Variants in STIM1 observed in about 807,000 individuals in gnomAD.
STIM1 encodes stromal interaction molecule 1.
In STIM1, 25 loss-of-function variants were observed where a neutral mutation model predicts 74.7. The observed-to-expected ratio is 0.33, with a 90% CI of 0.24 to 0.47. The LOEUF (loss-of-function observed/expected upper bound fraction) is 0.47. STIM1 is among the 20% of genes least tolerant of loss of function. The pLI is 1.00. For missense variants in STIM1, 728 were observed against 920.8 expected, an observed-to-expected ratio of 0.79 and a Z score of 2.71; for synonymous variants, 328 against 348.8, an observed-to-expected ratio of 0.94 and a Z score of 0.66.
chr11:3,870,869 C>CT (rs1178631644), intron 1 of STIM1, among the ~76,000 whole-genome samples: 2,772 of 98,124 alleles, frequency 0.028, 139 homozygotes, highest in African/African-American at 0.057. Context: ...ATCAGCTACT[C>CT]TTTTTTTTTT....
chr11:4,001,113 G>A (rs1317704838), intron 2 of STIM1, among the ~76,000 whole-genome samples: 1 of 152,208 alleles, frequency 6.6e-6, no homozygotes, highest in East Asian at 1.9e-4. Context: ...CGTCTGATTG[G>A]TGTACCTGAA....
chr11:3,987,804 GACACACACACACACACACACAC>G (rs55772228), intron 2 of STIM1, among the ~76,000 whole-genome samples: 1 of 145,388 alleles, frequency 6.9e-6, no homozygotes, highest in East Asian at 2.0e-4. Flanking sequence ...TGTCCTTAAG[GACACACACACACACACACACAC>G]ACACACACAC....
chr11:4,040,262 C>T (rs2094138106), intron 3 of STIM1, among the ~76,000 whole-genome samples: 1 of 152,176 alleles, frequency 6.6e-6, no homozygotes, highest in South Asian at 2.1e-4. Flanking sequence ...GTTTAGCATA[C>T]AAGGTCCATG....
intron 1 of STIM1, among the ~76,000 whole-genome samples, chr11:3,923,707 C>G (rs1468229683): frequency 1.3e-5 from 2 of 151,224 alleles, no homozygotes; most frequent in Non-Finnish European, 1.5e-5. Context: ...ACTCTCTATT[C>G]TAATTGTCAT....
intron 11 of STIM1, 111 bp from the exon 12 acceptor site, chr11:4,086,366 G>A (rs2094492967): frequency 2.4e-6 from 3 of 1,256,856 alleles, no homozygotes; most frequent in Non-Finnish European, 2.2e-6. Flanking sequence ...CTCCAGATTG[G>A]CATTAGAGGC....
intron 1 of STIM1, among the ~76,000 whole-genome samples, chr11:3,939,832 C>T (rs1378447475): frequency 2.6e-5 from 4 of 152,218 alleles, no homozygotes; most frequent in Non-Finnish European, 5.9e-5. Flanking sequence ...GGGGCTTTCT[C>T]TGAGCACCTT....
rs553174855 is a variant in STIM1, at chr11:4,052,171, G to A, written c.386-3355G>A. Among the ~76,000 whole-genome samples the A allele has an allele frequency of 3.5e-4, 54 of 152,240 alleles. No individual in the cohort carries two copies. In the South Asian group the frequency reaches 6.0e-3, roughly 17 times the overall value. On this transcript the variant is annotated intron_variant, in intron 3 of 12. Transcript: ENST00000526596. ...AGGAAAAATCAATATCGTGAAAATG[G>A]CCATATTGCCCAAGGTAATTTATAG...
At chr11:3,993,591 G>A (rs2093634679) in intron 2 of STIM1, among the ~76,000 whole-genome samples, 1 of 152,226 alleles carries the variant, frequency 6.6e-6, no homozygotes, top group South Asian at 2.1e-4. Flanking sequence ...AGGAGGTGGA[G>A]GTTGTGGTGA....
At chr11:4,009,119 G>A (rs1014097003) in intron 2 of STIM1, among the ~76,000 whole-genome samples, 6 of 149,216 alleles carry the variant, frequency 4.0e-5, no homozygotes, top group East Asian at 4.0e-4. Flanking sequence ...GTGAAACCGC[G>A]TCTCTACTAA....
chr11:3,999,661 C>T (rs76137194), intron 2 of STIM1: 87 of 157,040 alleles, frequency 5.5e-4, no homozygotes, highest in South Asian at 1.2e-3. Context: ...ACGCAGTAGA[C>T]GGGTGATTTC....
intron 1 of STIM1, among the ~76,000 whole-genome samples, chr11:3,941,022 G>C (rs1652120759): frequency 1.3e-5 from 2 of 152,180 alleles, no homozygotes; most frequent in African/African-American, 4.8e-5. Context: ...AGTTTCTTGA[G>C]CTGAGAAATG....
At chr11:4,084,589 CCCTT>C in intron 10 of STIM1, 80 bp from the exon 11 acceptor site, 1 of 1,124,074 alleles carries the variant, frequency 8.9e-7, no homozygotes. Flanking sequence ...CTGCCCCCAG[CCCTT>C]CCTTTATTAC....
intron 1 of STIM1, among the ~76,000 whole-genome samples, chr11:3,939,206 A>G (rs907300566): frequency 1.3e-5 from 2 of 152,240 alleles, no homozygotes; most frequent in African/African-American, 4.8e-5. Context: ...ACACTTAGAC[A>G]GTACCATCAT....
chr11:4,048,949 G>T (rs1272897022), intron 3 of STIM1, among the ~76,000 whole-genome samples: 1 of 152,112 alleles, frequency 6.6e-6, no homozygotes, highest in Non-Finnish European at 1.5e-5. Context: ...GGCCAGGCTG[G>T]TCTTGAACTC....
intron 6 of STIM1, among the ~76,000 whole-genome samples, chr11:4,071,438 C>G (rs576636945): frequency 6.6e-6 from 1 of 152,130 alleles, no homozygotes; most frequent in Admixed American, 6.5e-5. Context: ...GCAGCCTCCA[C>G]CCCCTGGGCT....
At chr11:3,864,044 T>C (rs1160186458) in intron 1 of STIM1, among the ~76,000 whole-genome samples, 2 of 151,988 alleles carry the variant, frequency 1.3e-5, no homozygotes, top group Admixed American at 1.3e-4. Context: ...TCACTTCGGC[T>C]ATACCCAGCC....
In STIM1 at chr11:4,002,578, A is replaced by AT. The variant is rs1205558548; in HGVS notation, c.271-21293dup. On this transcript the variant is annotated intron_variant, in intron 2 of 12. Transcript: ENST00000526596. ...CAACATACCAGAATCTCTGGGACAC[A>AT]TTCAAAGCAGTGTGTAGAGGGAAAT... Among the ~76,000 whole-genome samples the AT allele has an allele frequency of 2.0e-5, 3 of 149,160 alleles. No individual in the cohort carries two copies. The Admixed American group carries it at 2.0e-4, about 10-fold the overall frequency.
intron 1 of STIM1, among the ~76,000 whole-genome samples, chr11:3,952,191 T>C (rs2093157480): frequency 6.6e-6 from 1 of 152,016 alleles, no homozygotes; most frequent in South Asian, 2.1e-4. Context: ...AAGTGGTGGA[T>C]TGCTTGAGCC....
At chr11:3,908,096 TC>T (rs1723971941) in intron 1 of STIM1, among the ~76,000 whole-genome samples, 1 of 152,180 alleles carries the variant, frequency 6.6e-6, no homozygotes, top group Admixed American at 6.5e-5. Flanking sequence ...CCCTGTTAGT[TC>T]CATAAGAGCA....
Sources: allele counts gnomAD v4.1 joint callset (sites outside exome capture counted in the v4.1 genomes callset), GRCh38; gene constraint gnomAD v4.1.1; transcripts MANE v1.5; gene names NCBI Gene and HGNC (gene_info 2026-07-23, HGNC 2026-07-21).